Variants in SLC24A2 observed in about 807,000 individuals in gnomAD.
SLC24A2 encodes sodium/potassium/calcium exchanger 2.
In SLC24A2, 36 loss-of-function variants were observed where a neutral mutation model predicts 62.0. That is an observed-to-expected ratio of 0.58 (90% CI 0.44 to 0.77). SLC24A2 has a LOEUF of 0.77. SLC24A2 is among the 30% of genes least tolerant of loss of function. The probability of loss-of-function intolerance (pLI) is 0.00; values close to 1 mark genes in which losing one functional copy is unlikely to be tolerated. For synonymous variants in SLC24A2, 358 were observed against 294.0 expected (o/e 1.22, Z -2.23); for missense variants, 846 against 817.9 (o/e 1.03, Z -0.42).
At chr9:19,622,835 A>T (rs1817942466) in intron 2 of SLC24A2, among the ~76,000 whole-genome samples, 1 of 151,894 alleles carries the variant, frequency 6.6e-6, no homozygotes, top group Non-Finnish European at 1.5e-5. Flanking sequence ...TTTTGGGGGG[A>T]GTCAGCATTC....
chr9:20,235,434 G>C, the SLC24A2 span, among the ~76,000 whole-genome samples: 1 of 152,130 alleles, frequency 6.6e-6, no homozygotes, highest in Non-Finnish European at 1.5e-5. Flanking sequence ...GCAATGGCAG[G>C]TGCCCCTCCC....
At chr9:19,598,688 T>C (rs1364014914) in intron 4 of SLC24A2, among the ~76,000 whole-genome samples, 1 of 151,746 alleles carries the variant, frequency 6.6e-6, no homozygotes, top group Admixed American at 6.6e-5. Context: ...TATATATGTA[T>C]ATATATATAT....
At chr9:20,052,889 T>G in the SLC24A2 span, among the ~76,000 whole-genome samples, 1 of 152,244 alleles carries the variant, frequency 6.6e-6, no homozygotes, top group Admixed American at 6.5e-5. Flanking sequence ...AATTACTATG[T>G]GCGCACTGGC....
chr9:20,266,817 C>T, the SLC24A2 span, among the ~76,000 whole-genome samples: 1 of 152,098 alleles, frequency 6.6e-6, no homozygotes, highest in African/African-American at 2.4e-5. Flanking sequence ...GTGGCTCATG[C>T]CTATAATTCC....
chr9:19,994,370 A>C, the SLC24A2 span, among the ~76,000 whole-genome samples: 1 of 152,170 alleles, frequency 6.6e-6, no homozygotes, highest in Non-Finnish European at 1.5e-5. Context: ...TGCACACAAT[A>C]AATTCTGTGG....
the SLC24A2 span, among the ~76,000 whole-genome samples, chr9:19,993,508 C>T: frequency 6.6e-6 from 1 of 152,108 alleles, no homozygotes; most frequent in African/African-American, 2.4e-5. Context: ...CAGCTTACAC[C>T]ATAAACTAGA....
the SLC24A2 span, among the ~76,000 whole-genome samples, chr9:20,030,627 T>C: frequency 6.6e-6 from 1 of 152,196 alleles, no homozygotes; most frequent in Non-Finnish European, 1.5e-5. Context: ...CATGTCTTTC[T>C]CCACTACTGC....
the SLC24A2 span, among the ~76,000 whole-genome samples, chr9:19,835,196 T>C: frequency 1.3e-5 from 2 of 152,278 alleles, no homozygotes; most frequent in Middle Eastern, 3.4e-3. Context: ...GCTAACATCA[T>C]AATGACAGGA....
chr9:19,970,022 C>T, the SLC24A2 span, among the ~76,000 whole-genome samples: 2 of 152,298 alleles, frequency 1.3e-5, no homozygotes, highest in South Asian at 2.1e-4. Flanking sequence ...CTTCACACAT[C>T]TTCAGAAGGA....
At chr9:20,128,367 C>G in the SLC24A2 span, among the ~76,000 whole-genome samples, 1 of 152,010 alleles carries the variant, frequency 6.6e-6, no homozygotes, top group Non-Finnish European at 1.5e-5. Flanking sequence ...GATCTTATGT[C>G]TTAAAAGATG....
At chr9:19,665,186 G>T (rs1819214172) in intron 2 of SLC24A2, among the ~76,000 whole-genome samples, 1 of 152,206 alleles carries the variant, frequency 6.6e-6, no homozygotes, top group African/African-American at 2.4e-5. Context: ...GGTGAGTTTT[G>T]CAAGGCATGG....
At chr9:19,831,946 G>T in the SLC24A2 span, among the ~76,000 whole-genome samples, 2,209 of 152,294 alleles carry the variant, frequency 0.015, 61 homozygotes, top group African/African-American at 0.051. Flanking sequence ...AAATACTCTA[G>T]CATAATGAAA....
At chr9:19,956,330 G>A in the SLC24A2 span, among the ~76,000 whole-genome samples, 1 of 152,314 alleles carries the variant, frequency 6.6e-6, no homozygotes, top group African/African-American at 2.4e-5. Flanking sequence ...AGAAGCCTGG[G>A]TTTTGGAACA....
chr9:19,944,707 G>C, the SLC24A2 span, among the ~76,000 whole-genome samples: 1 of 152,128 alleles, frequency 6.6e-6, no homozygotes, highest in African/African-American at 2.4e-5. Flanking sequence ...CATGAGGCAT[G>C]ATGTTCATTC....
intron 2 of SLC24A2, among the ~76,000 whole-genome samples, chr9:19,700,155 C>T (rs1820313541): frequency 1.3e-5 from 2 of 152,278 alleles, no homozygotes; most frequent in African/African-American, 4.8e-5. Context: ...ACAGAGAACA[C>T]ACTCAAATCC....
chr9:19,564,828 G>A (rs547450619), intron 7 of SLC24A2, among the ~76,000 whole-genome samples: 5 of 152,154 alleles, frequency 3.3e-5, no homozygotes, highest in South Asian at 2.1e-4. Context: ...CATTGTGAGC[G>A]TATTTAAATG....
the SLC24A2 span, among the ~76,000 whole-genome samples, chr9:19,867,930 CA>C: frequency 1.7e-4 from 26 of 150,924 alleles, no homozygotes; most frequent in South Asian, 4.0e-3. Context: ...ACAAAACAAA[CA>C]AAAAAAAACT....
the SLC24A2 span, among the ~76,000 whole-genome samples, chr9:19,982,034 G>A: frequency 7.5e-4 from 114 of 152,186 alleles, 1 homozygote; most frequent in African/African-American, 2.7e-3. Flanking sequence ...GGAAAAACCT[G>A]AGCTAAATAT....
chr9:19,843,191 C>A, the SLC24A2 span, among the ~76,000 whole-genome samples: 1 of 151,962 alleles, frequency 6.6e-6, no homozygotes, highest in Non-Finnish European at 1.5e-5. Flanking sequence ...GAAATTGTGC[C>A]CTTCATACTT....
Sources: gnomAD v4.1 joint callset for allele counts (sites outside exome capture counted in the v4.1 genomes callset) on GRCh38, gnomAD v4.1.1 for gene constraint, MANE v1.5 for transcripts, NCBI Gene and HGNC (gene_info 2026-07-23, HGNC 2026-07-21) for gene names.